The following PLXNA1 variants were observed in gnomAD, a reference collection of about 807,000 sequenced individuals.
The protein encoded by PLXNA1 is plexin A1, also known as plexin-A1.
In PLXNA1, 77 loss-of-function variants were observed where a neutral mutation model predicts 191.7. That is an observed-to-expected ratio of 0.40 (90% CI 0.33 to 0.49). The LOEUF (loss-of-function observed/expected upper bound fraction) is 0.49. Ranked by LOEUF, PLXNA1 falls within the 20% of genes least tolerant of loss-of-function variation. PLXNA1 has a pLI of 0.63. For synonymous variants in PLXNA1, 1,137 were observed against 1,156.4 expected (o/e 0.98, Z 0.34); for missense variants, 2,110 against 2,660.2 (o/e 0.79, Z 4.55).
At chr3:126,983,379 C>T (rs1197545541) in intron 1 of PLXNA1, among the ~76,000 whole-genome samples, 92 bp downstream of exon 1, 3 of 144,436 alleles carry the variant, frequency 2.1e-5, no homozygotes, top group Non-Finnish European at 4.6e-5. Context: ...CGTGGGTGGG[C>T]GCGGGGCGGC....
rs1576676222 is a variant in PLXNA1, at chr3:127,004,595, A to T, written c.1519-16A>T. The T allele has an allele frequency of 6.5e-7, 1 of 1,548,810 alleles. No homozygotes were observed. On this transcript the variant is annotated splice_polypyrimidine_tract_variant and intron_variant, in intron 4 of 31. Coordinates refer to ENST00000393409, the MANE Select transcript of PLXNA1 (RefSeq NM_032242.4). ...TGGGGTGGTACTGGAGGGGCCTGAC[A>T]CCTCCCCCACACCAGGTGACGCGGG...
Position 127,012,373 on chromosome 3 carries a change from A to G in PLXNA1, c.2313+215A>G, listed in dbSNP as rs1314637592. Among the ~76,000 whole-genome samples, 7 of 152,232 alleles carry G rather than the reference A, an allele frequency of 4.6e-5. No homozygotes were observed. In the East Asian group the frequency reaches 5.8e-4, roughly 13 times the overall value. On this transcript the variant is annotated intron_variant, in intron 10 of 31. Transcript: ENST00000393409. The stretch of plus-strand genomic sequence containing the variant: ...TAGGCAAGTGGGCTGCAGGGGGCCC[A>G]TGCTGTCCTGGTAGCTGCTGAGAGC...
chr3:127,008,403 G>A (rs1376238592), intron 9 of PLXNA1, among the ~76,000 whole-genome samples: 2 of 152,170 alleles, frequency 1.3e-5, no homozygotes, highest in African/African-American at 4.8e-5. Flanking sequence ...GTCACCAGGC[G>A]CTGAGTGGTA....
At chr3:127,004,317 G>A (rs2079055042) in intron 4 of PLXNA1, among the ~76,000 whole-genome samples, 1 of 152,250 alleles carries the variant, frequency 6.6e-6, no homozygotes, top group Non-Finnish European at 1.5e-5. Context: ...GAGCTGGGAG[G>A]GAGTCCAGAC....
intron 21 of PLXNA1, 28 bp from the exon 22 acceptor site, chr3:127,022,057 G>C (rs752105393): frequency 2.5e-6 from 4 of 1,599,374 alleles, no homozygotes; most frequent in Non-Finnish European, 3.4e-6. Flanking sequence ...GTGCTTCTCT[G>C]TGGTCTGAGC....
chr3:127,007,997 G>A, intron 9 of PLXNA1, 84 bp downstream of exon 9: 1 of 881,234 alleles, frequency 1.1e-6, no homozygotes. Flanking sequence ...GTCGCCTGAG[G>A]CCTGGCCCAG....
intron 26 of PLXNA1, 50 bp downstream of exon 26, chr3:127,029,146 T>G (rs1208306852): frequency 7.1e-7 from 1 of 1,414,854 alleles, no homozygotes. Flanking sequence ...CCCTTGGGGC[T>G]TCCACAGCGC....
At chr3:127,011,808 C>T (rs1179880750) in intron 9 of PLXNA1, 150 bp from the exon 10 acceptor site, 1 of 736,414 alleles carries the variant, frequency 1.4e-6, no homozygotes, top group Non-Finnish European at 2.4e-6. Flanking sequence ...CTGTCCCAGC[C>T]AGCGGTCCTC....
intron 27 of PLXNA1, 144 bp from the exon 28 acceptor site, chr3:127,029,730 T>C (rs1159330136): frequency 3.6e-6 from 4 of 1,110,370 alleles, no homozygotes; most frequent in Non-Finnish European, 5.1e-6. Context: ...CCGTACACAA[T>C]TATGCCACCT....
At chr3:126,996,772 A>G (rs773040994) in intron 3 of PLXNA1, among the ~76,000 whole-genome samples, 77 of 152,268 alleles carry the variant, frequency 5.1e-4, no homozygotes, top group Non-Finnish European at 1.0e-3. Context: ...TGAAGCCTAC[A>G]GTCATTCCCA....
intron 1 of PLXNA1, among the ~76,000 whole-genome samples, chr3:126,986,740 G>A (rs1274220953): frequency 6.6e-6 from 1 of 152,180 alleles, no homozygotes; most frequent in East Asian, 1.9e-4. Flanking sequence ...ATGAGAACAG[G>A]GTGACTGAGC....
intron 1 of PLXNA1, among the ~76,000 whole-genome samples, chr3:126,985,642 A>G (rs1259847573): frequency 6.6e-6 from 1 of 151,998 alleles, no homozygotes; most frequent in East Asian, 1.9e-4. Context: ...TAGCCCCGGC[A>G]TGGGCCCCTG....
intron 3 of PLXNA1, among the ~76,000 whole-genome samples, chr3:126,992,018 C>T (rs1004647466): frequency 1.3e-5 from 2 of 152,198 alleles, no homozygotes; most frequent in African/African-American, 4.8e-5. Flanking sequence ...TCCCCAGCCC[C>T]TCTACTGGGC....
Position 127,029,860 on chromosome 3 carries a change from G to A in PLXNA1, c.4871-14G>A. 6.3e-7 allele frequency: 1 copy of A among 1,590,434 alleles called. No individual in the cohort carries two copies. Among genetic ancestry groups the A allele is most frequent in the Non-Finnish European group, 8.6e-7 (1 of 1,162,956 alleles). ...GTGCCAGCCAACGCGGGCGCTGACA[G>A]CCTGGTGCTGCAGAGAGCATGCTGC... On this transcript the variant is annotated splice_polypyrimidine_tract_variant and intron_variant, in intron 27 of 31. Transcript: ENST00000393409.
rs1576684023 is a variant in PLXNA1 at position 127,016,939 on chromosome 3, T to C, written c.3183-5T>C. On this transcript the variant is annotated splice_polypyrimidine_tract_variant and splice_region_variant and intron_variant, in intron 16 of 31. Coordinates refer to ENST00000393409, the MANE Select transcript of PLXNA1 (RefSeq NM_032242.4). The stretch of plus-strand genomic sequence containing the variant: ...GGTGACCCCCCCACCCCTGTCCTGT[T>C]CCAGCGGTGGGACCCTCCTGACGGT... 6.2e-7 allele frequency: 1 copy of C among 1,610,840 alleles called. No individual in the cohort carries two copies. Among genetic ancestry groups the C allele is most frequent in the Middle Eastern group, 1.7e-4 (1 of 6,044 alleles).
At chr3:126,989,868 G>T (rs1410655754) in intron 2 of PLXNA1, 81 bp downstream of exon 2, 2 of 1,221,908 alleles carry the variant, frequency 1.6e-6, no homozygotes, top group Non-Finnish European at 2.3e-6. Flanking sequence ...TGCACGCCCA[G>T]TGGTGCCTGC....
intron 29 of PLXNA1, chr3:127,031,902 A>G (rs1346574276): frequency 5.8e-6 from 1 of 173,282 alleles, no homozygotes; most frequent in Non-Finnish European, 1.2e-5. Flanking sequence ...ACTTCATTTA[A>G]GTTAAGCAGC....
chr3:127,035,492 CTG>C lies in PLXNA1; in HGVS notation c.*1476_*1477del, dbSNP rs1418612152. The stretch of plus-strand genomic sequence containing the variant: ...GACTTCCTGCTGACCCTGAGAGCCT[CTG>C]GGGTGCCGCGGCACCACGGGGCATG... On this transcript the variant is annotated 3_prime_UTR_variant, in exon 32 of 32. Transcript: ENST00000393409. The C allele has an allele frequency of 3.3e-5, 5 of 152,508 alleles. No individual in the cohort carries two copies. Among genetic ancestry groups the C allele is most frequent in the Non-Finnish European group, 7.4e-5 (5 of 68,022 alleles). 9.4% of individuals were successfully genotyped at this position (152,508 alleles called of 1,614,324 possible).
rs781343030 is a variant in PLXNA1 at position 127,004,900 on chromosome 3, C to T, written c.1635C>T (p.Asp545=). 12 of 1,600,316 alleles carry T rather than the reference C, an allele frequency of 7.5e-6. No individual in the cohort carries two copies. In the South Asian group the frequency reaches 7.8e-5, roughly 10 times the overall value. ...CVLHSICSRR[D]ACERADEPQR... is the part of the protein sequence containing the mutation. ...CTGCCTGCAGCTGCTCGCGGCGGGA[C>T]GCCTGTGAGCGAGCAGACGAGCCCC... The change falls in exon 6 of 32, where the codon GAC becomes GAT. Residue 545 remains aspartate, a synonymous_variant. Coordinates refer to ENST00000393409, the MANE Select transcript of PLXNA1 (RefSeq NM_032242.4).
Sources: allele counts gnomAD v4.1 joint callset (sites outside exome capture counted in the v4.1 genomes callset), GRCh38; gene constraint gnomAD v4.1.1; transcripts MANE v1.5; gene names NCBI Gene and HGNC (gene_info 2026-07-23, HGNC 2026-07-21).